Variants in CBY1 observed in about 807,000 individuals in gnomAD.
CBY1 encodes the protein protein chibby homolog 1.
In CBY1, 10 loss-of-function variants were observed where a neutral mutation model predicts 15.6. The ratio of observed to expected loss-of-function variants is 0.64; its 90% CI spans 0.40 to 1.09. The LOEUF (loss-of-function observed/expected upper bound fraction) is 1.09, where lower values mean the gene tolerates loss of function less well. Ranked by LOEUF, CBY1 falls within the 50% of genes least tolerant of loss-of-function variation. The pLI is 0.01. For missense variants in CBY1, 150 were observed against 160.5 expected (o/e 0.93, Z 0.35); for synonymous variants, 61 against 63.5 (o/e 0.96, Z 0.19).
rs1404563936 is a variant in CBY1, at chr22:38,671,955, C to CTT, written c.303+780_303+781dup. On this transcript the variant is annotated intron_variant, in intron 4 of 4. Coordinates refer to ENST00000216029, the MANE Select transcript of CBY1 (RefSeq NM_015373.4). ...CCTTGGCTGCAAAGTAAGATGCCAT[C>CTT]TTTTTTTTTTTTTTAAAAAAGGACT... 2.8e-3 allele frequency among the ~76,000 whole-genome samples: 403 copies of CTT among 146,418 alleles called. 1 individual carries two copies. The highest frequency in any genetic ancestry group is 4.6e-3 in the Non-Finnish European group (304 of 66,138).
At chr22:38,657,037 C>T in intron 1 of CBY1, 1 of 553,190 alleles carries the variant, frequency 1.8e-6, no homozygotes, top group Non-Finnish European at 2.3e-6. Flanking sequence ...GCCCTGGGGG[C>T]CGTGCATCTG....
At chr22:38,660,625 C>A (rs919158206) in intron 1 of CBY1, among the ~76,000 whole-genome samples, 9 of 82,578 alleles carry the variant, frequency 1.1e-4, no homozygotes, top group African/African-American at 3.5e-4. Flanking sequence ...CAGGTACATA[C>A]ACACACACAC....
Position 38,673,578 on chromosome 22 carries a change from G to C in CBY1, c.*342G>C. Reference sequence around the variant, plus strand: ...TCTGTTGGGTTGTGTTGGGAGAAGCGGCTGGAGTTCATTCTCTCACCCCCT... The same window carrying C: ...TCTGTTGGGTTGTGTTGGGAGAAGCCGCTGGAGTTCATTCTCTCACCCCCT... On this transcript the variant is annotated 3_prime_UTR_variant, in exon 5 of 5. Transcript: ENST00000216029. 8.4e-6 allele frequency: 2 copies of C among 238,556 alleles called. No homozygotes were observed. The highest frequency in any genetic ancestry group is 1.2e-4 in the South Asian group (2 of 17,148). 14.8% of individuals were successfully genotyped at this position (238,556 alleles called of 1,614,324 possible).
chr22:38,672,919 C>T lies in CBY1; in HGVS notation c.304-240C>T, dbSNP rs140327110. On this transcript the variant is annotated intron_variant, in intron 4 of 4. Coordinates refer to ENST00000216029, the MANE Select transcript of CBY1 (RefSeq NM_015373.4). ...CCTGCTCTCCTTCGTGCAGGGAGTG[C>T]CATGCCCTCGTGGGTGACAGCGTGC... Among the ~76,000 whole-genome samples the T allele has an allele frequency of 8.6e-3, 1,312 of 152,194 alleles. 15 individuals carry two copies. Among genetic ancestry groups the T allele is most frequent in the African/African-American group, 0.029 (1,218 of 41,522 alleles).
Position 38,657,881 on chromosome 22 carries a change from T to A in CBY1, c.-39+1131T>A, listed in dbSNP as rs192593013. The stretch of plus-strand genomic sequence containing the variant: ...AGATTTTAGGCATGCTGGGGGCTGC[T>A]TCTTAACTGTGTTTTGTTTATTTTG... On this transcript the variant is annotated intron_variant, in intron 1 of 4. Transcript: ENST00000216029. Among the ~76,000 whole-genome samples the A allele has an allele frequency of 1.1e-4, 17 of 152,316 alleles. No individual in the cohort carries two copies. The East Asian group carries it at 1.9e-3, about 17-fold the overall frequency.
At chr22:38,662,838 TC>T (rs973508395) in intron 1 of CBY1, among the ~76,000 whole-genome samples, 24 of 152,258 alleles carry the variant, frequency 1.6e-4, no homozygotes, top group Middle Eastern at 3.4e-3. Flanking sequence ...CAAGCACTAA[TC>T]ATTAAGAAAT....
chr22:38,658,114 CTT>C (rs2092407671), intron 1 of CBY1, among the ~76,000 whole-genome samples: 1 of 151,746 alleles, frequency 6.6e-6, no homozygotes, highest in African/African-American at 2.4e-5. Context: ...TTCCAGATCT[CTT>C]TCTTTCTTTT....
In CBY1 at chr22:38,668,072, T is replaced by C. The variant is rs370724210; in HGVS notation, c.18T>C (p.Asn6=). ...GGCCAAAGATGCCTTTCTTTGGGAA[T>C]ACGTTCAGTCCGAAGAAGACACCTC... MPFFG[N]TFSPKKTPPR... Residue 6 remains asparagine, a synonymous_variant, in exon 2 of 5, where the codon AAT becomes AAC. Coordinates refer to ENST00000216029, the MANE Select transcript of CBY1 (RefSeq NM_015373.4). 9.9e-6 allele frequency: 16 copies of C among 1,614,084 alleles called. No homozygotes were observed. Among genetic ancestry groups the C allele is most frequent in the Non-Finnish European group, 1.2e-5 (14 of 1,179,962 alleles).
chr22:38,666,779 T>C (rs936284242), intron 1 of CBY1: 22 of 152,032 alleles, frequency 1.4e-4, no homozygotes, highest in African/African-American at 5.3e-4. Context: ...CTCGGCTCAC[T>C]GCAACCTCTG....
At chr22:38,659,904 G>A (rs1189203820) in intron 1 of CBY1, among the ~76,000 whole-genome samples, 1 of 150,768 alleles carries the variant, frequency 6.6e-6, no homozygotes, top group African/African-American at 2.4e-5. Flanking sequence ...AAATTATTTG[G>A]CTACACCCAA....
intron 4 of CBY1, among the ~76,000 whole-genome samples, chr22:38,672,631 A>T (rs868824905): frequency 1.1e-4 from 17 of 151,594 alleles, no homozygotes; most frequent in Admixed American, 3.3e-4. Flanking sequence ...GTTTTTTTTT[A>T]AAAATGAGCA....
At chr22:38,664,354 C>A (rs1240324424) in intron 1 of CBY1, among the ~76,000 whole-genome samples, 1 of 151,514 alleles carries the variant, frequency 6.6e-6, no homozygotes, top group Non-Finnish European at 1.5e-5. Flanking sequence ...TTCCTGTAAT[C>A]CCAGTTACTC....
intron 1 of CBY1, among the ~76,000 whole-genome samples, chr22:38,662,177 C>A (rs1259583995): frequency 1.3e-5 from 2 of 151,934 alleles, no homozygotes; most frequent in Non-Finnish European, 2.9e-5. Context: ...TGGCGCGTGC[C>A]TGTGATCTCA....
At chr22:38,672,185 C>T (rs540832081) in intron 4 of CBY1, among the ~76,000 whole-genome samples, 20 of 151,606 alleles carry the variant, frequency 1.3e-4, no homozygotes, top group Admixed American at 8.5e-4. Flanking sequence ...TTGCTTGAAC[C>T]CGGGAGGTGG....
At chr22:38,669,727 G>A (rs2092446976) in intron 2 of CBY1, 1 of 152,254 alleles carries the variant, frequency 6.6e-6, no homozygotes, top group African/African-American at 2.4e-5. Flanking sequence ...TGAGGGCAGA[G>A]CTGGTCATAC....
chr22:38,668,293 G>T, intron 2 of CBY1, 161 bp downstream of exon 2: 1 of 561,966 alleles, frequency 1.8e-6, no homozygotes. Flanking sequence ...CTCTTGTTTG[G>T]GAATGATCGT....
At chr22:38,667,397 TC>T in intron 1 of CBY1, among the ~76,000 whole-genome samples, 1 of 152,002 alleles carries the variant, frequency 6.6e-6, no homozygotes, top group East Asian at 1.9e-4. Context: ...AGCCTCAACC[TC>T]CCTGGGCTCC....
At position 38,671,086 on chromosome 22, in the gene CBY1, C is replaced by T. The variant is rs754300208; in HGVS notation, c.201C>T (p.Gly67=). ...GQWIAETGVS[G]GVDRREVQRL... is the part of the protein sequence containing the mutation. ...TTCCTCCAGAGACAGGGGTTAGTGG[C>T]GGTGTGGACCGGAGGGAGGTTCAGC... Residue 67 remains glycine, a synonymous_variant, in exon 4 of 5, where the codon GGC becomes GGT. Coordinates refer to ENST00000216029, the MANE Select transcript of CBY1 (RefSeq NM_015373.4). 15 of 1,613,966 alleles carry T rather than the reference C, an allele frequency of 9.3e-6. No homozygotes were observed. The highest frequency in any genetic ancestry group is 2.2e-5 in the East Asian group (1 of 44,886).
At chr22:38,663,417 C>T (rs966365113) in intron 1 of CBY1, among the ~76,000 whole-genome samples, 3 of 145,016 alleles carry the variant, frequency 2.1e-5, no homozygotes, top group South Asian at 2.2e-4. Context: ...AAAAAGAGGC[C>T]GGACGCGGTG....
Sources: allele counts gnomAD v4.1 joint callset (sites outside exome capture counted in the v4.1 genomes callset), GRCh38; gene constraint gnomAD v4.1.1; transcripts MANE v1.5; gene names NCBI Gene and HGNC (gene_info 2026-07-23, HGNC 2026-07-21).